KCNIP4: variants seen among roughly 807,000 people sequenced by gnomAD.
KCNIP4 encodes the protein potassium voltage-gated channel interacting protein 4.
KCNIP4 carries 12 observed loss-of-function variants against 34.0 expected under a neutral mutation model. The observed-to-expected ratio is 0.35, with a 90% CI of 0.23 to 0.57. The LOEUF (loss-of-function observed/expected upper bound fraction) is 0.57, where lower values mean the gene tolerates loss of function less well. KCNIP4 is among the 20% of genes least tolerant of loss of function. The probability of loss-of-function intolerance (pLI) is 0.83; values close to 1 mark genes in which losing one functional copy is unlikely to be tolerated. For synonymous variants in KCNIP4, 124 were observed against 102.2 expected (o/e 1.21, Z -1.29); for missense variants, 238 against 311.7 (o/e 0.76, Z 1.78).
chr4:21,620,221 G>A (rs1744908533), intron 1 of KCNIP4, among the ~76,000 whole-genome samples: 1 of 152,244 alleles, frequency 6.6e-6, no homozygotes, highest in East Asian at 1.9e-4. Context: ...AAAGAATTGT[G>A]GCCAGGCGTG....
At chr4:21,141,435 TC>T (rs2109210719) in intron 1 of KCNIP4, among the ~76,000 whole-genome samples, 1 of 152,338 alleles carries the variant, frequency 6.6e-6, no homozygotes, top group East Asian at 1.9e-4. Flanking sequence ...AATAATTATT[TC>T]TTTTGAATGT....
At chr4:20,924,251 T>C (rs1320823749) in intron 1 of KCNIP4, among the ~76,000 whole-genome samples, 1 of 152,148 alleles carries the variant, frequency 6.6e-6, no homozygotes, top group Non-Finnish European at 1.5e-5. Flanking sequence ...TTCTAGGCCA[T>C]TGCTTCAGTG....
chr4:21,344,613 TG>T (rs771130984), intron 1 of KCNIP4, among the ~76,000 whole-genome samples: 1 of 152,086 alleles, frequency 6.6e-6, no homozygotes, highest in Non-Finnish European at 1.5e-5. Context: ...AAAGAAAAGA[TG>T]GAATGAACCA....
At chr4:21,469,986 A>G (rs1366721410) in intron 1 of KCNIP4, among the ~76,000 whole-genome samples, 2 of 152,186 alleles carry the variant, frequency 1.3e-5, no homozygotes, top group African/African-American at 4.8e-5. Flanking sequence ...CTTTTCTGTT[A>G]ACTACGCCAC....
intron 1 of KCNIP4, among the ~76,000 whole-genome samples, chr4:21,340,255 G>A (rs923181859): frequency 2.8e-5 from 2 of 72,234 alleles, no homozygotes; most frequent in Non-Finnish European, 5.1e-5. Context: ...TTTCCAAGAT[G>A]TAGTATCTCT....
intron 1 of KCNIP4, among the ~76,000 whole-genome samples, chr4:21,670,636 A>G (rs1489329549): frequency 6.6e-6 from 1 of 152,148 alleles, no homozygotes; most frequent in Non-Finnish European, 1.5e-5. Flanking sequence ...AAAATTACAG[A>G]CAGAATCTAA....
intron 1 of KCNIP4, among the ~76,000 whole-genome samples, chr4:21,332,287 G>C (rs535925100): frequency 2.6e-5 from 4 of 151,132 alleles, no homozygotes; most frequent in South Asian, 2.1e-4. Context: ...TTAACCCAAG[G>C]ATTCTGATTT....
intron 1 of KCNIP4, among the ~76,000 whole-genome samples, chr4:21,774,343 G>C (rs1181909482): frequency 6.6e-6 from 1 of 152,022 alleles, no homozygotes; most frequent in Non-Finnish European, 1.5e-5. Flanking sequence ...AGGTGACTTG[G>C]CCTTTCTCTC....
rs149948322 is a variant in KCNIP4, at chr4:21,057,621, G to T, written c.62-174912C>A. On this transcript the variant is annotated intron_variant, in intron 1 of 8. Coordinates refer to ENST00000382152, the MANE Select transcript of KCNIP4 (RefSeq NM_025221.6). ...GTGTCTCCATTTGAAACAGACTTTT[G>T]TTATAAGGTTGAAATTGACTTTAAA... Among the ~76,000 whole-genome samples the T allele has an allele frequency of 3.2e-3, 491 of 152,194 alleles. 2 individuals carry two copies. Among genetic ancestry groups the T allele is most frequent in the African/African-American group, 0.011 (448 of 41,540 alleles).
At position 21,461,002 on chromosome 4, in the gene KCNIP4, G is replaced by A. The variant is rs186954442; in HGVS notation, c.61+487569C>T. Among the ~76,000 whole-genome samples the A allele has an allele frequency of 1.1e-3, 160 of 152,124 alleles. 1 individual carries two copies. In the Middle Eastern group the frequency reaches 0.027, roughly 26 times the overall value. On this transcript the variant is annotated intron_variant, in intron 1 of 8. Transcript: ENST00000382152. Reference sequence around the variant, plus strand: ...TATTTAGAAAACGCTATAACAAATTGACAATGCTGCCAAGAATAGTCATAT... The same window carrying A: ...TATTTAGAAAACGCTATAACAAATTAACAATGCTGCCAAGAATAGTCATAT...
intron 1 of KCNIP4, among the ~76,000 whole-genome samples, chr4:21,857,701 C>T (rs1317785113): frequency 6.6e-6 from 1 of 152,210 alleles, no homozygotes; most frequent in Admixed American, 6.5e-5. Flanking sequence ...TCACTCTCCA[C>T]TTGTTTGCAT....
chr4:21,781,769 A>G, intron 1 of KCNIP4, among the ~76,000 whole-genome samples: 1 of 152,194 alleles, frequency 6.6e-6, no homozygotes, highest in East Asian at 1.9e-4. Context: ...TAGTATATAT[A>G]CATGAGATAT....
At chr4:21,741,660 A>G (rs1041153295) in intron 1 of KCNIP4, among the ~76,000 whole-genome samples, 17 of 152,190 alleles carry the variant, frequency 1.1e-4, no homozygotes, top group Non-Finnish European at 2.1e-4. Context: ...ACAGAAGCGT[A>G]TTTATAGTGA....
intron 1 of KCNIP4, among the ~76,000 whole-genome samples, chr4:21,504,339 G>A (rs542093536): frequency 2.0e-5 from 3 of 151,536 alleles, no homozygotes; most frequent in East Asian, 2.0e-4. Flanking sequence ...ATGGTGGCGC[G>A]TGCCTGTAAT....
At chr4:21,356,491 C>T (rs1203606718) in intron 1 of KCNIP4, among the ~76,000 whole-genome samples, 4 of 152,108 alleles carry the variant, frequency 2.6e-5, no homozygotes, top group Non-Finnish European at 5.9e-5. Flanking sequence ...AATCAGTGCG[C>T]AAAAATCACA....
At chr4:21,827,540 G>A (rs2109300599) in intron 1 of KCNIP4, among the ~76,000 whole-genome samples, 1 of 152,046 alleles carries the variant, frequency 6.6e-6, no homozygotes, top group African/African-American at 2.4e-5. Context: ...AGATAATCAA[G>A]CATCAAAGTT....
At chr4:21,196,065 T>C (rs1256174789) in intron 1 of KCNIP4, among the ~76,000 whole-genome samples, 1 of 152,242 alleles carries the variant, frequency 6.6e-6, no homozygotes, top group Non-Finnish European at 1.5e-5. Context: ...TCTGGAGGCA[T>C]GGACTTCTTA....
At chr4:21,635,194 C>T (rs560020688) in intron 1 of KCNIP4, among the ~76,000 whole-genome samples, 2 of 152,272 alleles carry the variant, frequency 1.3e-5, no homozygotes, top group African/African-American at 4.8e-5. Flanking sequence ...GAAACTTACT[C>T]AAATTACTGC....
chr4:21,422,120 C>G (rs149332967), intron 1 of KCNIP4, among the ~76,000 whole-genome samples: 159 of 151,944 alleles, frequency 1.0e-3, no homozygotes, highest in African/African-American at 3.7e-3. Context: ...AGCTCACAGC[C>G]TGCACACAAT....
Sources: gnomAD v4.1 joint callset for allele counts (sites outside exome capture counted in the v4.1 genomes callset) on GRCh38, gnomAD v4.1.1 for gene constraint, MANE v1.5 for transcripts, NCBI Gene and HGNC (gene_info 2026-07-23, HGNC 2026-07-21) for gene names.